Variants in LVRN observed in about 807,000 individuals in gnomAD.
The protein encoded by LVRN is aminopeptidase Q.
Under a neutral mutation model 111.4 loss-of-function variants are expected in LVRN, and 99 were observed. The ratio of observed to expected loss-of-function variants is 0.89; its 90% CI spans 0.76 to 1.05. The LOEUF is 1.05. Among genes scored for constraint, LVRN ranks in the 50% least tolerant of loss-of-function variants. LVRN has a pLI of 0.00. For missense variants in LVRN, 1,414 were observed against 1,206.8 expected, an observed-to-expected ratio of 1.17 and a Z score of -2.54; for synonymous variants, 488 against 449.5, an observed-to-expected ratio of 1.09 and a Z score of -1.08.
At chr5:115,972,727 A>G (rs1753354096) in intron 1 of LVRN, among the ~76,000 whole-genome samples, 1 of 151,832 alleles carries the variant, frequency 6.6e-6, no homozygotes, top group Non-Finnish European at 1.5e-5. Context: ...GATTTTTCCT[A>G]TAAGGTTTTT....
chr5:115,970,384 C>CT (rs3984987), intron 1 of LVRN, among the ~76,000 whole-genome samples: 1,718 of 133,820 alleles, frequency 0.013, 30 homozygotes, highest in Admixed American at 0.035. Flanking sequence ...GAAATACATT[C>CT]TTTTTTTTTT....
Position 115,984,618 on chromosome 5 carries a change from C to T in LVRN, c.887C>T (p.Thr296Ile). The T allele has an allele frequency of 1.2e-6, 2 of 1,613,654 alleles. No individual in the cohort carries two copies. Among genetic ancestry groups the T allele is most frequent in the Non-Finnish European group, 1.7e-6 (2 of 1,179,738 alleles). Residue 296 changes from threonine to isoleucine, a missense_variant, in exon 3 of 20, where the codon ACC (threonine) becomes ATC (isoleucine). Coordinates refer to ENST00000357872, the MANE Select transcript of LVRN (RefSeq NM_173800.5). The stretch of plus-strand genomic sequence containing the variant: ...AATGGAAGCAAATGGACTGTTACAA[C>T]CTTTTCCACTACGCCCCACATGCCA... Reference protein sequence around the residue: ...DVNGSKWTVTTFSTTPHMPTY... With the variant: ...DVNGSKWTVTIFSTTPHMPTY...
intron 15 of LVRN, among the ~76,000 whole-genome samples, 170 bp from the exon 16 acceptor site, chr5:116,014,250 A>T (rs1748552184): frequency 6.6e-6 from 1 of 152,224 alleles, no homozygotes; most frequent in African/African-American, 2.4e-5. Context: ...TATTTCTCTG[A>T]ATCTTAAATA....
intron 1 of LVRN, among the ~76,000 whole-genome samples, chr5:115,977,613 T>C (rs1753475288): frequency 6.6e-6 from 1 of 152,184 alleles, no homozygotes; most frequent in Non-Finnish European, 1.5e-5. Context: ...CAGTTTAGTT[T>C]AGTTTTAGTA....
Position 116,014,481 on chromosome 5 carries a change from C to G in LVRN, c.2404C>G (p.Leu802Val), listed in dbSNP as rs756227452. 6.2e-7 allele frequency: 1 copy of G among 1,613,618 alleles called. No homozygotes were observed. Among genetic ancestry groups the G allele is most frequent in the Middle Eastern group, 1.6e-4 (1 of 6,062 alleles). ...GTTGGGCCTTGAAGACTGCCTTCAG[C>G]TGTCAAAAGAACTTTTCGCAAAATG... The part of the protein sequence containing the change: ...CWLGLEDCLQ[L>V]SKELFAKWVD... The change falls in exon 16 of 20, where the codon CTG (leucine) becomes GTG (valine). Residue 802 changes from leucine to valine, a missense_variant. Coordinates refer to ENST00000357872, the MANE Select transcript of LVRN (RefSeq NM_173800.5).
At position 115,976,563 on chromosome 5, in the gene LVRN, A is replaced by G. The variant is rs570032864; in HGVS notation, c.696-6724A>G. Among the ~76,000 whole-genome samples the G allele has an allele frequency of 7.9e-5, 12 of 152,270 alleles. No individual in the cohort carries two copies. The South Asian group carries it at 1.4e-3, about 18-fold the overall frequency. On this transcript the variant is annotated intron_variant, in intron 1 of 19. Coordinates refer to ENST00000357872, the MANE Select transcript of LVRN (RefSeq NM_173800.5). Reference sequence around the variant, plus strand: ...AGACCCTTTTATTTCTCATATAGGCATTTAATATTATAAATTTCCCACTAA... The same window carrying G: ...AGACCCTTTTATTTCTCATATAGGCGTTTAATATTATAAATTTCCCACTAA...
At chr5:116,003,856 C>G (rs969771071) in intron 12 of LVRN, among the ~76,000 whole-genome samples, 1 of 152,158 alleles carries the variant, frequency 6.6e-6, no homozygotes, top group Non-Finnish European at 1.5e-5. Context: ...GCTGGGATTA[C>G]AGGCGTGAGC....
At chr5:115,982,622 G>A (rs538464008) in intron 1 of LVRN, among the ~76,000 whole-genome samples, 4 of 152,120 alleles carry the variant, frequency 2.6e-5, no homozygotes, top group South Asian at 4.1e-4. Context: ...TCGTCTGCTC[G>A]GGGTATTCTT....
rs185197842 is a variant in LVRN at position 115,987,716 on chromosome 5, G to C, written c.979-97G>C. ...TATGCAGCTTCTTCTGGAAAGGTAA[G>C]ACTTTGGTTCAGCAGCAGGGAATTG... On this transcript the variant is annotated intron_variant, in intron 3 of 19. Coordinates refer to ENST00000357872, the MANE Select transcript of LVRN (RefSeq NM_173800.5). 89 of 1,403,476 alleles carry C rather than the reference G, an allele frequency of 6.3e-5. No individual in the cohort carries two copies. In the African/African-American group the frequency reaches 1.2e-3, roughly 19 times the overall value. 86.9% of individuals were successfully genotyped at this position (1,403,476 alleles called of 1,614,324 possible). A position where few individuals can be genotyped will look rare whatever the true frequency, so the allele number is the denominator to read the frequency against.
At chr5:115,999,937 C>T (rs368024131) in intron 7 of LVRN, 35 bp downstream of exon 7, 6 of 1,585,450 alleles carry the variant, frequency 3.8e-6, no homozygotes, top group African/African-American at 2.7e-5. Flanking sequence ...TGGTTTTGTA[C>T]TCTGGTAGAA....
chr5:115,963,791 G>C (rs1445578691), intron 1 of LVRN, among the ~76,000 whole-genome samples: 3 of 152,152 alleles, frequency 2.0e-5, no homozygotes, highest in African/African-American at 7.2e-5. Flanking sequence ...CGGAGACCGC[G>C]GTCCTTCCTC....
intron 13 of LVRN, among the ~76,000 whole-genome samples, chr5:116,008,456 T>C (rs1447873514): frequency 6.6e-6 from 1 of 152,096 alleles, no homozygotes; most frequent in East Asian, 1.9e-4. Context: ...AATCAAAAGC[T>C]AGAAATGATT....
In LVRN at chr5:116,026,085, C is replaced by T. The variant is rs1388061795; in HGVS notation, c.2940C>T (p.Ala980=). The change falls in exon 20 of 20, where the codon GCC becomes GCT. Residue 980 remains alanine (A), a synonymous_variant. Coordinates refer to ENST00000357872, the MANE Select transcript of LVRN (RefSeq NM_173800.5). ...NENLKNKKLS[A]RIAAWLRRNT ...ATCTGAAAAACAAGAAGCTAAGTGC[C>T]AGGATAGCTGCGTGGCTAAGGAGAA... 1 of 1,613,868 alleles carries T rather than the reference C, an allele frequency of 6.2e-7. No homozygotes were observed. The highest frequency in any genetic ancestry group is 1.7e-5 in the Admixed American group (1 of 59,992).
At chr5:115,977,321 T>C (rs996605465) in intron 1 of LVRN, among the ~76,000 whole-genome samples, 1 of 152,220 alleles carries the variant, frequency 6.6e-6, no homozygotes, top group Non-Finnish European at 1.5e-5. Context: ...TTCCCTTTCC[T>C]GTGCTGCAGT....
intron 6 of LVRN, among the ~76,000 whole-genome samples, chr5:115,997,060 A>T (rs1401013568): frequency 1.3e-5 from 2 of 152,212 alleles, no homozygotes; most frequent in Non-Finnish European, 2.9e-5. Context: ...AAAAATAATG[A>T]TAAGTAATCA....
At chr5:115,970,251 A>C (rs1288747353) in intron 1 of LVRN, among the ~76,000 whole-genome samples, 1 of 152,120 alleles carries the variant, frequency 6.6e-6, no homozygotes, top group East Asian at 1.9e-4. Context: ...TAACCTTCTT[A>C]TCTTCAGGCA....
intron 2 of LVRN, 114 bp downstream of exon 2, chr5:115,983,543 A>G: frequency 2.5e-6 from 3 of 1,215,958 alleles, no homozygotes; most frequent in Non-Finnish European, 3.3e-6. Context: ...ATTACAGTCT[A>G]CTATAATTAG....
intron 3 of LVRN, among the ~76,000 whole-genome samples, chr5:115,987,006 T>C (rs1237453992): frequency 6.6e-6 from 1 of 152,164 alleles, no homozygotes; most frequent in African/African-American, 2.4e-5. Context: ...TTAACATTAA[T>C]GCTGGCAATT....
chr5:116,014,763 C>G lies in LVRN; in HGVS notation c.2450+236C>G, dbSNP rs1748564822. On this transcript the variant is annotated intron_variant, in intron 16 of 19. Coordinates refer to ENST00000357872, the MANE Select transcript of LVRN (RefSeq NM_173800.5). ...CACCTAGGACCTCTCATTGCCAAAG[C>G]ACTCTTCCAATAAGCACTTACTTTG... Among the ~76,000 whole-genome samples, 4 of 152,282 alleles carry G rather than the reference C, an allele frequency of 2.6e-5. No individual in the cohort carries two copies. In the South Asian group the frequency reaches 8.3e-4, roughly 32 times the overall value.
Sources: gnomAD v4.1 joint callset for allele counts (sites outside exome capture counted in the v4.1 genomes callset) on GRCh38, gnomAD v4.1.1 for gene constraint, MANE v1.5 for transcripts, NCBI Gene and HGNC (gene_info 2026-07-23, HGNC 2026-07-21) for gene names.